Variants in CSMD1 observed in about 807,000 individuals in gnomAD.
The protein encoded by CSMD1 is CUB and Sushi multiple domains 1.
In CSMD1, 213 loss-of-function variants were observed where a neutral mutation model predicts 417.5. The observed-to-expected ratio is 0.51, with a 90% CI of 0.46 to 0.57. The LOEUF is 0.57. Among genes scored for constraint, CSMD1 ranks in the 20% least tolerant of loss-of-function variants. CSMD1 has a pLI of 0.00. For synonymous variants in CSMD1, 2,862 were observed against 1,736.8 expected (o/e 1.65, Z -16.11); for missense variants, 6,923 against 4,529.7 (o/e 1.53, Z -15.17).
At chr8:4,143,328 A>C (rs1425503971) in intron 3 of CSMD1, among the ~76,000 whole-genome samples, 1 of 148,366 alleles carries the variant, frequency 6.7e-6, no homozygotes, top group Non-Finnish European at 1.5e-5. Flanking sequence ...CCAGTTCTTC[A>C]AATCTGATTC....
chr8:4,061,851 G>A (rs1370021210), intron 3 of CSMD1, among the ~76,000 whole-genome samples: 2 of 152,126 alleles, frequency 1.3e-5, no homozygotes, highest in Non-Finnish European at 1.5e-5. Flanking sequence ...CTGTATAGAT[G>A]TAGGTCAGTC....
At chr8:3,599,460 T>A (rs1240834439) in intron 8 of CSMD1, among the ~76,000 whole-genome samples, 1 of 152,034 alleles carries the variant, frequency 6.6e-6, no homozygotes, top group East Asian at 1.9e-4. Context: ...GCAGCATTAT[T>A]AACCACAACG....
At chr8:3,315,159 G>A (rs996233976) in intron 23 of CSMD1, among the ~76,000 whole-genome samples, 2 of 152,082 alleles carry the variant, frequency 1.3e-5, no homozygotes, top group African/African-American at 4.8e-5. Flanking sequence ...TGACTCTCAT[G>A]TGAAAAAAAG....
At chr8:4,643,982 TG>T (rs1803364121) in intron 1 of CSMD1, among the ~76,000 whole-genome samples, 1 of 152,152 alleles carries the variant, frequency 6.6e-6, no homozygotes, top group Non-Finnish European at 1.5e-5. Flanking sequence ...GGTACTTGGT[TG>T]GGTTTTACTC....
chr8:4,935,683 T>C (rs1257172528), intron 1 of CSMD1, among the ~76,000 whole-genome samples: 1 of 152,236 alleles, frequency 6.6e-6, no homozygotes. Context: ...GAGTTTTACA[T>C]ATTTTTAGTT....
At chr8:4,422,729 GA>G (rs1213305966) in intron 2 of CSMD1, among the ~76,000 whole-genome samples, 1 of 151,640 alleles carries the variant, frequency 6.6e-6, no homozygotes, top group Non-Finnish European at 1.5e-5. Context: ...GATAAACACA[GA>G]AAAAAGAAAA....
chr8:4,221,485 T>C (rs916364958), intron 3 of CSMD1, among the ~76,000 whole-genome samples: 9 of 151,764 alleles, frequency 5.9e-5, no homozygotes, highest in Non-Finnish European at 1.5e-5. Flanking sequence ...GAAATTTAAA[T>C]GGGTAATTTG....
intron 23 of CSMD1, among the ~76,000 whole-genome samples, chr8:3,332,286 C>T (rs752949930): frequency 3.3e-4 from 50 of 152,362 alleles, no homozygotes; most frequent in Non-Finnish European, 6.5e-4. Flanking sequence ...TCTTGCTTTG[C>T]ATGTGAATAA....
chr8:4,956,500 T>A (rs544353268), intron 1 of CSMD1, among the ~76,000 whole-genome samples: 15 of 148,874 alleles, frequency 1.0e-4, no homozygotes, highest in Non-Finnish European at 1.6e-4. Flanking sequence ...TAAAAATATA[T>A]GTTATCATAT....
chr8:4,296,420 A>G (rs1797684129), intron 3 of CSMD1, among the ~76,000 whole-genome samples: 1 of 152,236 alleles, frequency 6.6e-6, no homozygotes, highest in Non-Finnish European at 1.5e-5. Context: ...GGTTATCACA[A>G]GAGTGTGAGA....
At chr8:3,342,936 C>G (rs999740581) in intron 23 of CSMD1, among the ~76,000 whole-genome samples, 1 of 151,568 alleles carries the variant, frequency 6.6e-6, no homozygotes, top group Non-Finnish European at 1.5e-5. Context: ...TCTATTACCT[C>G]CGGTTGTATC....
Position 3,714,929 on chromosome 8 carries a change from C to T in CSMD1, c.932-6438G>A, listed in dbSNP as rs189648936. ...GAAATCTCAATGGTTTACATTGTTT[C>T]GCTTTTACTCTAGGACTCTCTTTTT... On this transcript the variant is annotated intron_variant, in intron 6 of 69. Coordinates refer to ENST00000635120, the MANE Select transcript of CSMD1 (RefSeq NM_033225.6). 5.3e-5 allele frequency among the ~76,000 whole-genome samples: 8 copies of T among 152,198 alleles called. No individual in the cohort carries two copies. In the East Asian group the frequency reaches 1.2e-3, roughly 22 times the overall value.
At chr8:3,366,938 C>T in intron 20 of CSMD1, 94 bp downstream of exon 20, 2 of 963,582 alleles carry the variant, frequency 2.1e-6, no homozygotes, top group Non-Finnish European at 3.2e-6. Context: ...CGGATGCACA[C>T]ATTACACACA....
chr8:4,161,341 G>T (rs973920096), intron 3 of CSMD1, among the ~76,000 whole-genome samples: 5 of 152,254 alleles, frequency 3.3e-5, no homozygotes, highest in Admixed American at 6.5e-5. Flanking sequence ...CTAAAATCCC[G>T]GTCTCTTTGA....
At chr8:3,242,813 A>T (rs28805039) in intron 26 of CSMD1, among the ~76,000 whole-genome samples, 4 of 36,386 alleles carry the variant, frequency 1.1e-4, no homozygotes, top group Admixed American at 3.6e-4. Flanking sequence ...GGGGCGCAGA[A>T]ATAAGGGGTT....
intron 6 of CSMD1, among the ~76,000 whole-genome samples, chr8:3,751,630 A>T (rs904263837): frequency 2.6e-5 from 4 of 151,692 alleles, no homozygotes; most frequent in African/African-American, 9.6e-5. Flanking sequence ...ACTTTCATTA[A>T]TTACATATTT....
chr8:4,537,535 C>G (rs1465942758), intron 2 of CSMD1, among the ~76,000 whole-genome samples: 3 of 152,146 alleles, frequency 2.0e-5, no homozygotes, highest in Non-Finnish European at 4.4e-5. Flanking sequence ...TTAATTGACT[C>G]TGATTAAAAA....
chr8:3,609,258 A>C (rs2469339), intron 8 of CSMD1, among the ~76,000 whole-genome samples: 112,555 of 152,058 alleles, frequency 0.74, 42,253 homozygotes, highest in Middle Eastern at 0.84. Flanking sequence ...ACAATAGATG[A>C]CAGTACCCAC....
intron 10 of CSMD1, among the ~76,000 whole-genome samples, chr8:3,506,102 G>C (rs73658139): frequency 0.011 from 1,650 of 152,314 alleles, 32 homozygotes; most frequent in African/African-American, 0.038. Flanking sequence ...ATAAGGAGGT[G>C]TCTCATCGGA....
Sources: allele counts gnomAD v4.1 joint callset (sites outside exome capture counted in the v4.1 genomes callset), GRCh38; gene constraint gnomAD v4.1.1; transcripts MANE v1.5; gene names NCBI Gene and HGNC (gene_info 2026-07-23, HGNC 2026-07-21).